Variants in CPNE8 observed in about 807,000 individuals in gnomAD.
CPNE8 encodes the protein copine-8.
A neutral mutation model predicts 81.5 loss-of-function variants in CPNE8; 45 were observed. The observed-to-expected ratio is 0.55, with a 90% confidence interval of 0.44 to 0.71. CPNE8 has a LOEUF of 0.71. Among genes scored for constraint, CPNE8 ranks in the 30% least tolerant of loss-of-function variants. The pLI is 0.00. For synonymous variants in CPNE8, 252 were observed against 226.3 expected (o/e 1.11, Z -1.02); for missense variants, 594 against 672.1 (o/e 0.88, Z 1.28).
intron 13 of CPNE8, among the ~76,000 whole-genome samples, chr12:38,716,133 C>T (rs1472843176): frequency 6.6e-6 from 1 of 152,078 alleles, no homozygotes; most frequent in Non-Finnish European, 1.5e-5. Context: ...CAAAACACTG[C>T]TGAAAGAAAT....
At chr12:38,778,848 A>T (rs1393261161) in intron 6 of CPNE8, among the ~76,000 whole-genome samples, 1 of 152,168 alleles carries the variant, frequency 6.6e-6, no homozygotes, top group African/African-American at 2.4e-5. Flanking sequence ...TAAGTATGTA[A>T]TATACAGTCA....
At chr12:38,873,178 C>T (rs1944017446) in intron 2 of CPNE8, 128 bp from the exon 3 acceptor site, 8 of 569,148 alleles carry the variant, frequency 1.4e-5, no homozygotes, top group Non-Finnish European at 2.2e-5. Context: ...TAGACTTACC[C>T]TTGCAAAAAA....
At chr12:38,716,206 G>T (rs826843) in intron 13 of CPNE8, among the ~76,000 whole-genome samples, 145,567 of 152,174 alleles carry the variant, frequency 0.96, 69,791 homozygotes, top group East Asian at 1. Flanking sequence ...ATCAATATTG[G>T]GAAATGACCA....
At chr12:38,661,088 C>A (rs1178560408) in intron 19 of CPNE8, among the ~76,000 whole-genome samples, 1 of 152,134 alleles carries the variant, frequency 6.6e-6, no homozygotes, top group Admixed American at 6.6e-5. Context: ...TACCATTTGA[C>A]CCAGCCATCC....
intron 10 of CPNE8, among the ~76,000 whole-genome samples, chr12:38,732,440 G>A (rs1335113259): frequency 6.6e-6 from 1 of 151,874 alleles, no homozygotes; most frequent in Non-Finnish European, 1.5e-5. Context: ...TTTGATATTT[G>A]GTTCTCTTTT....
rs553582880 is a variant in CPNE8, at chr12:38,857,070, C to T, written c.187-8408G>A. On this transcript the variant is annotated intron_variant, in intron 3 of 19. Coordinates refer to ENST00000331366, the MANE Select transcript of CPNE8 (RefSeq NM_153634.3). ...TTACCTTAATCTTGTTGTCTTTTTC[C>T]TTAATTTTCAAAATAAAGGGCTAGC... Among the ~76,000 whole-genome samples the T allele has an allele frequency of 1.1e-3, 168 of 151,402 alleles. 1 individual carries two copies. The highest frequency in any genetic ancestry group is 1.6e-3 in the Non-Finnish European group (111 of 67,772).
At chr12:38,900,239 G>A (rs1944440657) in intron 1 of CPNE8, among the ~76,000 whole-genome samples, 1 of 152,078 alleles carries the variant, frequency 6.6e-6, no homozygotes, top group South Asian at 2.1e-4. Context: ...ATGAAACCAA[G>A]AGATGAAAAT....
chr12:38,857,102 T>C (rs888764306), intron 3 of CPNE8, among the ~76,000 whole-genome samples: 1 of 152,158 alleles, frequency 6.6e-6, no homozygotes, highest in African/African-American at 2.4e-5. Flanking sequence ...TAGCAACCTA[T>C]ACTGACAACC....
At chr12:38,777,825 A>C (rs1024827823) in intron 6 of CPNE8, among the ~76,000 whole-genome samples, 2 of 152,188 alleles carry the variant, frequency 1.3e-5, no homozygotes, top group African/African-American at 4.8e-5. Flanking sequence ...GGCAGGCACC[A>C]GCAAGCTGAG....
chr12:38,767,782 A>G (rs1211287287), intron 7 of CPNE8, 44 bp from the exon 8 acceptor site: 3 of 1,227,080 alleles, frequency 2.4e-6, no homozygotes, highest in Non-Finnish European at 3.4e-6. Flanking sequence ...TGGGCTATAA[A>G]TAACTAGAAA....
intron 4 of CPNE8, among the ~76,000 whole-genome samples, chr12:38,847,088 A>G (rs1943570192): frequency 6.6e-6 from 1 of 152,110 alleles, no homozygotes; most frequent in Non-Finnish European, 1.5e-5. Flanking sequence ...AGTCATTTGC[A>G]GGTTTGGGAG....
At chr12:38,842,237 T>G (rs947747574) in intron 4 of CPNE8, among the ~76,000 whole-genome samples, 1 of 152,016 alleles carries the variant, frequency 6.6e-6, no homozygotes, top group African/African-American at 2.4e-5. Flanking sequence ...TATAAGAAAA[T>G]TTTTTTAAAG....
chr12:38,731,030 T>G (rs1270355582), intron 10 of CPNE8, among the ~76,000 whole-genome samples: 1 of 151,850 alleles, frequency 6.6e-6, no homozygotes, highest in Non-Finnish European at 1.5e-5. Flanking sequence ...CAACTGAGGT[T>G]GACCTGTGCA....
chr12:38,690,491 A>G (rs561498085), intron 15 of CPNE8, among the ~76,000 whole-genome samples: 5 of 152,326 alleles, frequency 3.3e-5, no homozygotes, highest in Admixed American at 1.3e-4. Flanking sequence ...TTCATCGTCA[A>G]TTTGAGAGGC....
chr12:38,864,730 C>T (rs573685838), intron 3 of CPNE8, among the ~76,000 whole-genome samples: 1 of 152,102 alleles, frequency 6.6e-6, no homozygotes, highest in Non-Finnish European at 1.5e-5. Context: ...TGAAAGGTAA[C>T]ACAATAAAAC....
At chr12:38,763,425 G>A (rs1248688036) in intron 8 of CPNE8, among the ~76,000 whole-genome samples, 1 of 152,222 alleles carries the variant, frequency 6.6e-6, no homozygotes, top group Non-Finnish European at 1.5e-5. Flanking sequence ...GAAAAAAGGA[G>A]TAGAATTCCT....
intron 3 of CPNE8, among the ~76,000 whole-genome samples, chr12:38,871,477 T>G (rs1393596815): frequency 6.6e-6 from 1 of 152,044 alleles, no homozygotes; most frequent in Non-Finnish European, 1.5e-5. Context: ...CTGGAGAGAA[T>G]GACAAGACAG....
chr12:38,813,670 A>G (rs1942974087), intron 6 of CPNE8, among the ~76,000 whole-genome samples: 1 of 152,208 alleles, frequency 6.6e-6, no homozygotes, highest in Non-Finnish European at 1.5e-5. Flanking sequence ...CACTGCAGGC[A>G]GTAGGTTTAA....
At chr12:38,770,202 A>G (rs1167770991) in intron 7 of CPNE8, among the ~76,000 whole-genome samples, 1 of 152,198 alleles carries the variant, frequency 6.6e-6, no homozygotes, top group African/African-American at 2.4e-5. Context: ...CAATCTGAAC[A>G]TCTAACGTCT....
Sources: allele counts gnomAD v4.1 joint callset (sites outside exome capture counted in the v4.1 genomes callset), GRCh38; gene constraint gnomAD v4.1.1; transcripts MANE v1.5; gene names NCBI Gene and HGNC (gene_info 2026-07-23, HGNC 2026-07-21).